KALRN: variants seen among roughly 807,000 people sequenced by gnomAD.
KALRN encodes kalirin.
KALRN carries 70 observed loss-of-function variants against 353.7 expected under a neutral mutation model. The observed-to-expected ratio is 0.20, with a 90% CI of 0.16 to 0.24. KALRN has a LOEUF of 0.24. Ranked by LOEUF, KALRN falls within the 10% of genes least tolerant of loss-of-function variation. The pLI is 1.00. For missense variants in KALRN, 2,791 were observed against 3,756.7 expected (o/e 0.74, Z 6.72); for synonymous variants, 1,391 against 1,434.8 (o/e 0.97, Z 0.69).
At chr3:124,201,570 T>C (rs1298479782) in intron 1 of KALRN, among the ~76,000 whole-genome samples, 2 of 152,240 alleles carry the variant, frequency 1.3e-5, no homozygotes, top group Non-Finnish European at 2.9e-5. Flanking sequence ...TTTAAAATGC[T>C]GTTCTCGTCA....
At chr3:124,469,344 G>A (rs2060660853) in intron 25 of KALRN, among the ~76,000 whole-genome samples, 2 of 152,342 alleles carry the variant, frequency 1.3e-5, no homozygotes, top group Middle Eastern at 3.4e-3. Flanking sequence ...AAGGGACAAA[G>A]CCAGGTGCTT....
At chr3:124,103,082 G>T (rs1228748498) in intron 1 of KALRN, among the ~76,000 whole-genome samples, 6 of 152,168 alleles carry the variant, frequency 3.9e-5, no homozygotes, top group Admixed American at 3.9e-4. Context: ...CTGCCATACA[G>T]ATGGGAAGAG....
At chr3:124,494,773 G>A (rs2063529211) in intron 32 of KALRN, among the ~76,000 whole-genome samples, 1 of 152,176 alleles carries the variant, frequency 6.6e-6, no homozygotes, top group African/African-American at 2.4e-5. Flanking sequence ...ACACCAGAGT[G>A]CAATCATTTA....
At chr3:124,632,041 A>C (rs145809751) in intron 34 of KALRN, among the ~76,000 whole-genome samples, 1 of 150,868 alleles carries the variant, frequency 6.6e-6, no homozygotes, top group Non-Finnish European at 1.5e-5. Context: ...CAACCCCAGC[A>C]CTCCCTAATC....
At chr3:124,062,158 A>G (rs1486949589) in intron 1 of KALRN, among the ~76,000 whole-genome samples, 1 of 152,174 alleles carries the variant, frequency 6.6e-6, no homozygotes, top group Non-Finnish European at 1.5e-5. Flanking sequence ...TACTACTTCT[A>G]TGAAAGGACA....
At position 124,253,546 on chromosome 3, in the gene KALRN, G is replaced by A. The variant is rs1398056159; in HGVS notation, c.264-10952G>A. 2.0e-5 allele frequency among the ~76,000 whole-genome samples: 3 copies of A among 152,160 alleles called. No homozygotes were observed. In the South Asian group the frequency reaches 6.2e-4, roughly 32 times the overall value. ...TCATCCTGCACTGTCAGCCCTGTAG[G>A]ACCAAAGCTGTGCTATGGCAGGGCC... is the stretch of plus-strand genomic sequence containing the variant. On this transcript the variant is annotated intron_variant, in intron 3 of 59. Transcript: ENST00000682506.
intron 27 of KALRN, among the ~76,000 whole-genome samples, chr3:124,482,066 G>A (rs2062044967): frequency 1.3e-5 from 2 of 152,150 alleles, no homozygotes; most frequent in South Asian, 4.1e-4. Flanking sequence ...GGAGAGACTA[G>A]AAGCACAAAC....
Position 124,713,041 on chromosome 3 carries a change from G to A in KALRN, c.8182G>A (p.Glu2728Lys). 1 of 1,614,004 alleles carries A rather than the reference G, an allele frequency of 6.2e-7. No individual in the cohort carries two copies. ...KMKKKEQAAHEAALLQHLQHP... is the reference protein window; with the variant it reads ...KMKKKEQAAHKAALLQHLQHP... ...GAAGAAGAAAGAACAGGCTGCCCAC[G>A]AGGCTGCCCTGCTTCAGCACCTACA... Residue 2728 changes from glutamate to lysine, a missense_variant, in exon 58 of 60, where the codon GAG becomes AAG. Physicochemically the swap from Glu to Lys is moderately conservative, Grantham distance 56. Around this residue, in one of 11 missense-constraint regions of KALRN, gnomAD observed 188 missense variants for 402.9 expected, o/e 0.47. Transcript: ENST00000682506.
intron 1 of KALRN, among the ~76,000 whole-genome samples, chr3:124,141,685 T>C (rs975848305): frequency 7.9e-5 from 12 of 152,310 alleles, no homozygotes; most frequent in Middle Eastern, 6.8e-3. Flanking sequence ...AGGGTGTTGG[T>C]TAGTGACTGC....
intron 13 of KALRN, among the ~76,000 whole-genome samples, chr3:124,401,684 T>C (rs181059999): frequency 5.5e-4 from 83 of 152,166 alleles, no homozygotes; most frequent in African/African-American, 1.9e-3. Flanking sequence ...CATCCTCTGG[T>C]GTAGGCTATA....
chr3:124,584,783 GC>G, intron 34 of KALRN: 1 of 1,574,800 alleles, frequency 6.4e-7, no homozygotes, highest in Non-Finnish European at 8.6e-7. Flanking sequence ...CCGGGCTGGC[GC>G]CCCGTGCCAT....
intron 3 of KALRN, among the ~76,000 whole-genome samples, chr3:124,249,071 C>T (rs914524605): frequency 2.6e-5 from 4 of 152,222 alleles, no homozygotes; most frequent in Admixed American, 2.6e-4. Context: ...GCAGCTCTGA[C>T]TATGAAGGAG....
At chr3:124,240,550 C>T (rs2080305889) in intron 3 of KALRN, among the ~76,000 whole-genome samples, 1 of 152,122 alleles carries the variant, frequency 6.6e-6, no homozygotes, top group Admixed American at 6.5e-5. Context: ...ATGCCACCAA[C>T]ACATGGTGAC....
rs753795567 is a variant in KALRN, at chr3:124,395,350, A to T, written c.2171+7A>T. 6.2e-7 allele frequency: 1 copy of T among 1,607,500 alleles called. No homozygotes were observed. Among genetic ancestry groups the T allele is most frequent in the Non-Finnish European group, 8.5e-7 (1 of 1,176,784 alleles). On this transcript the variant is annotated splice_region_variant and intron_variant, in intron 12 of 59. Coordinates refer to ENST00000682506, the MANE Select transcript of KALRN (RefSeq NM_001388419.1). ...GGGAGCCCAGCGAGGCCAGGTCAGC[A>T]TGGGCAGAGCTTTCCAGTGGGAAAT...
intron 1 of KALRN, among the ~76,000 whole-genome samples, chr3:124,061,673 A>G (rs1019673741): frequency 2.0e-5 from 3 of 152,318 alleles, no homozygotes; most frequent in African/African-American, 7.2e-5. Flanking sequence ...ATCATTTTAA[A>G]TCCCCAATTT....
intron 34 of KALRN, among the ~76,000 whole-genome samples, chr3:124,582,410 T>A (rs1467923750): frequency 6.6e-6 from 1 of 152,216 alleles, no homozygotes; most frequent in East Asian, 1.9e-4. Context: ...AGTGACGTTC[T>A]TATGTAAACC....
intron 1 of KALRN, among the ~76,000 whole-genome samples, chr3:124,168,799 C>T (rs574132263): frequency 6.6e-6 from 1 of 152,208 alleles, no homozygotes; most frequent in East Asian, 1.9e-4. Context: ...TCTCAATCGG[C>T]CTCTCAAGGA....
intron 51 of KALRN, among the ~76,000 whole-genome samples, chr3:124,691,192 G>A (rs1458955748): frequency 6.6e-6 from 1 of 152,128 alleles, no homozygotes; most frequent in Non-Finnish European, 1.5e-5. Flanking sequence ...ACTTTGGGAG[G>A]CCGAGGCAGG....
chr3:124,433,596 T>TAAAAAAAAAAAAAAAAAA, intron 16 of KALRN, among the ~76,000 whole-genome samples: 1 of 95,142 alleles, frequency 1.1e-5, no homozygotes, highest in Non-Finnish European at 2.1e-5. Flanking sequence ...AGACCCTGTC[T>TAAAAAAAAAAAAAAAAAA]AAAAAAAAAA....
Sources: gnomAD v4.1 joint callset for allele counts (sites outside exome capture counted in the v4.1 genomes callset) on GRCh38, gnomAD v4.1.1 for gene constraint, gnomAD v4.1.1 regional missense constraint, MANE v1.5 for transcripts, NCBI Gene and HGNC (gene_info 2026-07-23, HGNC 2026-07-21) for gene names.